CIROZ: variants seen among roughly 807,000 people sequenced by gnomAD.
The protein encoded by CIROZ is ciliated left-right organizer ZP-N domains-containing protein.
the CIROZ span, chr1:10,948,627 G>T: frequency 3.1e-6 from 5 of 1,613,878 alleles, no homozygotes; most frequent in Non-Finnish European, 4.2e-6. Flanking sequence ...AGCCGGGTGC[G>T]TTGGCAAGAC....
the CIROZ span, chr1:10,954,175 G>C: frequency 9.9e-5 from 158 of 1,598,942 alleles, no homozygotes; most frequent in Non-Finnish European, 1.3e-4. Flanking sequence ...TTGCACATTG[G>C]CTGGGCGCAG....
At chr1:10,969,900 C>G in the CIROZ span, 1 of 1,455,822 alleles carries the variant, frequency 6.9e-7, no homozygotes, top group East Asian at 2.5e-5. Context: ...GGGGGAGGAG[C>G]ATTGCAGGCA....
chr1:10,957,783 T>G, the CIROZ span: 95 of 1,602,202 alleles, frequency 5.9e-5, no homozygotes, highest in Middle Eastern at 3.3e-4. Context: ...TCACAAACCA[T>G]GTGGCCAGGG....
the CIROZ span, among the ~76,000 whole-genome samples, chr1:10,970,703 G>A: frequency 1.3e-5 from 2 of 152,192 alleles, no homozygotes; most frequent in South Asian, 4.2e-4. Context: ...TCTAAGGCGG[G>A]GCCTGAGATT....
chr1:10,953,945 C>A, the CIROZ span: 1 of 1,514,092 alleles, frequency 6.6e-7, no homozygotes, highest in South Asian at 1.3e-5. Context: ...GAAAGAACCC[C>A]AGGGCCAAGG....
the CIROZ span, among the ~76,000 whole-genome samples, chr1:10,965,126 T>G: frequency 6.6e-6 from 1 of 151,838 alleles, no homozygotes; most frequent in African/African-American, 2.4e-5. Context: ...CAGGCTGCCC[T>G]CATTCAGCCA....
the CIROZ span, among the ~76,000 whole-genome samples, chr1:10,951,745 A>AAAAAATATATATATATAT: frequency 8.4e-6 from 1 of 119,204 alleles, no homozygotes; most frequent in African/African-American, 3.6e-5. Context: ...AAAAAAAAAA[A>AAAAAATATATATATATAT]ATATATATAT....
the CIROZ span, among the ~76,000 whole-genome samples, chr1:10,953,229 A>G: frequency 0.42 from 64,195 of 152,130 alleles, 16,940 homozygotes; most frequent in African/African-American, 0.73. Context: ...GCAAACTTGC[A>G]CTATTAACAT....
At chr1:10,972,629 G>A in the CIROZ span, among the ~76,000 whole-genome samples, 1 of 152,212 alleles carries the variant, frequency 6.6e-6, no homozygotes, top group Non-Finnish European at 1.5e-5. Context: ...TATGTGACCT[G>A]GGGCGAGTCA....
the CIROZ span, chr1:10,976,399 G>T: frequency 3.3e-6 from 2 of 611,342 alleles, no homozygotes; most frequent in South Asian, 2.1e-5. Context: ...GCAGTGGCGC[G>T]ATCTAAGCTC....
At chr1:10,976,153 C>CA in the CIROZ span, 1 of 1,535,846 alleles carries the variant, frequency 6.5e-7, no homozygotes, top group Non-Finnish European at 8.7e-7. Flanking sequence ...GTGATTGATT[C>CA]ACCTGTTAAA....
the CIROZ span, among the ~76,000 whole-genome samples, chr1:10,980,331 G>A: frequency 6.6e-6 from 1 of 152,244 alleles, no homozygotes; most frequent in East Asian, 1.9e-4. Flanking sequence ...CTGCCCCGCT[G>A]CCCCGCTTCA....
the CIROZ span, chr1:10,955,004 C>T: frequency 6.2e-7 from 1 of 1,603,996 alleles, no homozygotes; most frequent in Non-Finnish European, 8.5e-7. Flanking sequence ...ACCTGGAGCA[C>T]CCCGGCCGCC....
At chr1:10,957,043 A>C in the CIROZ span, 2 of 1,551,268 alleles carry the variant, frequency 1.3e-6, no homozygotes, top group South Asian at 2.4e-5. Context: ...AGCAGCTTCT[A>C]AAGAATAGGC....
chr1:10,948,943 G>A, the CIROZ span: 6 of 1,212,702 alleles, frequency 4.9e-6, no homozygotes, highest in Admixed American at 6.1e-5. Flanking sequence ...GGGTTCGAGG[G>A]ACCGGGTGCG....
the CIROZ span, among the ~76,000 whole-genome samples, chr1:10,972,547 A>G: frequency 3.3e-5 from 5 of 152,146 alleles, no homozygotes; most frequent in African/African-American, 1.2e-4. Context: ...AGAGACATTT[A>G]AGCCACCAGG....
chr1:10,972,030 C>T, the CIROZ span, among the ~76,000 whole-genome samples: 1 of 152,246 alleles, frequency 6.6e-6, no homozygotes, highest in Non-Finnish European at 1.5e-5. Context: ...ATCCCCAACA[C>T]CTTGCCCTGT....
the CIROZ span, chr1:10,955,246 T>C: frequency 2.0e-6 from 3 of 1,490,566 alleles, no homozygotes; most frequent in Non-Finnish European, 2.7e-6. Context: ...CGTGGACAAA[T>C]TAAGTGGTGG....
At chr1:10,947,943 G>C in the CIROZ span, 21 of 1,613,644 alleles carry the variant, frequency 1.3e-5, no homozygotes, top group Non-Finnish European at 1.8e-5. Flanking sequence ...CAGGTATCGG[G>C]CCTGGTCTGG....
Sources: gnomAD v4.1 joint callset for allele counts (sites outside exome capture counted in the v4.1 genomes callset) on GRCh38, gnomAD v4.1.1 for gene constraint, MANE v1.5 for transcripts, NCBI Gene and HGNC (gene_info 2026-07-23, HGNC 2026-07-21) for gene names.